SYN3: variants seen among roughly 807,000 people sequenced by gnomAD.
The protein encoded by SYN3 is synapsin III, also known as synapsin-3.
SYN3 carries 35 observed loss-of-function variants against 65.8 expected under a neutral mutation model. The ratio of observed to expected loss-of-function variants is 0.53; its 90% CI spans 0.41 to 0.70. The LOEUF (loss-of-function observed/expected upper bound fraction) is 0.70. Among genes scored for constraint, SYN3 ranks in the 30% least tolerant of loss-of-function variants. The pLI is 0.00. For missense variants in SYN3, 680 were observed against 749.0 expected (o/e 0.91, Z 1.08); for synonymous variants, 270 against 292.9 (o/e 0.92, Z 0.80).
intron 6 of SYN3, among the ~76,000 whole-genome samples, chr22:32,671,760 C>A (rs1186225985): frequency 6.6e-6 from 1 of 151,482 alleles, no homozygotes. Context: ...GGTGCACACA[C>A]ACTGTCACAC....
intron 6 of SYN3, among the ~76,000 whole-genome samples, chr22:32,733,186 T>C (rs2061292980): frequency 6.6e-6 from 1 of 152,140 alleles, no homozygotes; most frequent in African/African-American, 2.4e-5. Context: ...GAAGTCTAAA[T>C]CTAATGCCAC....
At position 32,817,289 on chromosome 22, in the gene SYN3, C is replaced by T. The variant is rs144257294; in HGVS notation, c.711+47626G>A. 1.2e-4 allele frequency among the ~76,000 whole-genome samples: 18 copies of T among 152,170 alleles called. No individual in the cohort carries two copies. The East Asian group carries it at 3.5e-3, about 29-fold the overall frequency. ...TCTTGGAGAGACATGTGGCTATTAG[C>T]ATAGTAAAAGCTCTGAGAAGTCCTG... On this transcript the variant is annotated intron_variant, in intron 6 of 13. Coordinates refer to ENST00000358763, the MANE Select transcript of SYN3 (RefSeq NM_003490.4).
At chr22:32,763,883 A>C (rs1424866360) in intron 6 of SYN3, among the ~76,000 whole-genome samples, 1 of 151,444 alleles carries the variant, frequency 6.6e-6, no homozygotes, top group Non-Finnish European at 1.5e-5. Context: ...GATTTGAGGG[A>C]AGCGGACAAT....
intron 6 of SYN3, among the ~76,000 whole-genome samples, chr22:32,787,996 T>C (rs6518798): frequency 0.15 from 22,860 of 152,120 alleles, 2,091 homozygotes; most frequent in African/African-American, 0.26. Context: ...GGGAGAGACA[T>C]GGACAGCCAC....
intron 4 of SYN3, among the ~76,000 whole-genome samples, chr22:32,889,347 T>G (rs2049377974): frequency 1.3e-5 from 2 of 152,124 alleles, no homozygotes; most frequent in African/African-American, 4.8e-5. Context: ...TGGAAGGGTT[T>G]GCTTTCTAAA....
At chr22:32,940,699 C>A (rs2050911224) in intron 3 of SYN3, among the ~76,000 whole-genome samples, 1 of 152,156 alleles carries the variant, frequency 6.6e-6, no homozygotes, top group Non-Finnish European at 1.5e-5. Flanking sequence ...TTTCTAAATT[C>A]TCTATTTTAT....
Position 32,512,521 on chromosome 22 carries a change from C to T in SYN3, c.*1171G>A, listed in dbSNP as rs1004834375. On this transcript the variant is annotated 3_prime_UTR_variant, in exon 14 of 14. Transcript: ENST00000358763. ...GGGAGTTAGACTACTTTTTCCAGCT[C>T]TGCAACTAACTTATTGAGTCAAATC... is the stretch of plus-strand genomic sequence containing the variant. 4 of 152,146 alleles carry T rather than the reference C, an allele frequency of 2.6e-5. No homozygotes were observed. The highest frequency in any genetic ancestry group is 5.9e-5 in the Non-Finnish European group (4 of 68,018). The allele number at this position is 152,146 out of a possible 1,614,324, so 9.4% of individuals were successfully genotyped here. A position where few individuals can be genotyped will look rare whatever the true frequency, so the allele number is the denominator to read the frequency against.
At chr22:32,604,481 A>G (rs755447329) in intron 6 of SYN3, among the ~76,000 whole-genome samples, 1 of 150,270 alleles carries the variant, frequency 6.7e-6, no homozygotes, top group Non-Finnish European at 1.5e-5. Context: ...TCCCTGAGAT[A>G]CCCTCCCTCA....
intron 1 of SYN3, among the ~76,000 whole-genome samples, chr22:33,040,077 T>C (rs1001772088): frequency 7.2e-5 from 11 of 151,986 alleles, no homozygotes; most frequent in East Asian, 1.9e-4. Context: ...TCGCCCAGGC[T>C]GGAGTGCAGT....
chr22:32,938,985 T>A (rs2050860757), intron 3 of SYN3, among the ~76,000 whole-genome samples: 1 of 147,990 alleles, frequency 6.8e-6, no homozygotes, highest in South Asian at 2.1e-4. Flanking sequence ...AAAGAAAAAT[T>A]GAATTTATTA....
chr22:32,601,282 C>CTT (rs67325525), intron 6 of SYN3, among the ~76,000 whole-genome samples: 11 of 146,352 alleles, frequency 7.5e-5, no homozygotes, highest in Admixed American at 1.4e-4. Flanking sequence ...TTTTTTCTTT[C>CTT]TTTTTTTTTT....
At chr22:32,691,552 C>T (rs941117002) in intron 6 of SYN3, among the ~76,000 whole-genome samples, 4 of 152,128 alleles carry the variant, frequency 2.6e-5, no homozygotes, top group South Asian at 2.1e-4. Flanking sequence ...TACATCCACC[C>T]GCCCATAATC....
At chr22:32,914,695 G>T (rs936253631) in intron 4 of SYN3, among the ~76,000 whole-genome samples, 1 of 152,076 alleles carries the variant, frequency 6.6e-6, no homozygotes, top group Non-Finnish European at 1.5e-5. Context: ...GCCCGCCTCG[G>T]CCTCCCAAAG....
chr22:32,700,498 T>C (rs2060797092), intron 6 of SYN3, among the ~76,000 whole-genome samples: 1 of 151,918 alleles, frequency 6.6e-6, no homozygotes, highest in South Asian at 2.1e-4. Flanking sequence ...AACAATGAAA[T>C]TTAAGGCAAC....
At chr22:32,544,674 T>C (rs2213405) in intron 7 of SYN3, among the ~76,000 whole-genome samples, 116,706 of 152,164 alleles carry the variant, frequency 0.77, 45,237 homozygotes, top group East Asian at 0.91. Flanking sequence ...CCACCTCTTC[T>C]TCCAATGCCC....
chr22:32,514,722 C>T (rs2057742301), intron 13 of SYN3: 1 of 152,212 alleles, frequency 6.6e-6, no homozygotes, highest in South Asian at 2.1e-4. Context: ...ACATTAAAAA[C>T]TGCACCACAC....
chr22:33,057,088 C>T (rs185067588), intron 1 of SYN3, among the ~76,000 whole-genome samples: 210 of 152,286 alleles, frequency 1.4e-3, no homozygotes, highest in Non-Finnish European at 2.2e-3. Flanking sequence ...GAGCAGGGCT[C>T]CCGGGCAGAG....
intron 4 of SYN3, among the ~76,000 whole-genome samples, chr22:32,902,375 G>C (rs1268796667): frequency 6.6e-6 from 1 of 152,184 alleles, no homozygotes; most frequent in Non-Finnish European, 1.5e-5. Flanking sequence ...GGTGTGAGTT[G>C]GCCATGCCAA....
chr22:32,878,330 C>A (rs1431285670), intron 4 of SYN3, among the ~76,000 whole-genome samples: 2 of 152,086 alleles, frequency 1.3e-5, no homozygotes, highest in East Asian at 3.9e-4. Context: ...GCCACCAGAG[C>A]TGCTAAGTCT....
Sources: allele counts gnomAD v4.1 joint callset (sites outside exome capture counted in the v4.1 genomes callset), GRCh38; gene constraint gnomAD v4.1.1; transcripts MANE v1.5; gene names NCBI Gene and HGNC (gene_info 2026-07-23, HGNC 2026-07-21).